CD99: variants seen among roughly 807,000 people sequenced by gnomAD.
CD99 encodes the protein CD99 antigen.
In CD99, 19 loss-of-function variants were observed where a neutral mutation model predicts 28.4. That is an observed-to-expected ratio of 0.67 (90% CI 0.47 to 0.98). CD99 has a LOEUF of 0.98. CD99 is among the 50% of genes least tolerant of loss of function. CD99 has a pLI of 0.00. For missense variants in CD99, 283 were observed against 248.8 expected, an observed-to-expected ratio of 1.14 and a Z score of -0.92; for synonymous variants, 103 against 92.1, an observed-to-expected ratio of 1.12 and a Z score of -0.67.
chrX:2,720,984 A>G (rs2048967971), intron 5 of CD99, among the ~76,000 whole-genome samples: 2 of 152,208 alleles, frequency 1.3e-5, no homozygotes, highest in Non-Finnish European at 2.9e-5. Flanking sequence ...AATTGCATAC[A>G]ATAATTTAAA....
chrX:2,712,137 C>T (rs1306741732), intron 1 of CD99, among the ~76,000 whole-genome samples: 4 of 152,032 alleles, frequency 2.6e-5, no homozygotes, highest in Non-Finnish European at 5.9e-5. Context: ...AGACAAATAC[C>T]GTCTGACCCA....
chrX:2,733,514 C>A, intron 8 of CD99: 1 of 856,982 alleles, frequency 1.2e-6, no homozygotes, highest in Non-Finnish European at 1.9e-6. Context: ...ATGGGATTCT[C>A]AATCACATGG....
At chrX:2,702,387 G>A (rs1165926119) in intron 1 of CD99, among the ~76,000 whole-genome samples, 2 of 151,560 alleles carry the variant, frequency 1.3e-5, no homozygotes, top group East Asian at 1.9e-4. Context: ...TTCACAAGAT[G>A]CTGCAGAGGG....
chrX:2,691,644 G>C (rs1485485523), intron 1 of CD99: 1 of 711,778 alleles, frequency 1.4e-6, no homozygotes, highest in Non-Finnish European at 2.5e-6. Flanking sequence ...AGAAAAGTCA[G>C]CGTTTGTTGT....
chrX:2,700,602 A>T (rs1420906637), intron 1 of CD99, among the ~76,000 whole-genome samples: 1 of 150,600 alleles, frequency 6.6e-6, no homozygotes, highest in Admixed American at 6.6e-5. Flanking sequence ...CCATTCCTTT[A>T]TCCATCCGTT....
intron 8 of CD99, chrX:2,733,311 A>G (rs1292483210): frequency 1.3e-6 from 2 of 1,551,122 alleles, no homozygotes; most frequent in Non-Finnish European, 8.7e-7. Context: ...GCACCAGTTT[A>G]CTTTTTGTAT....
At chrX:2,717,081 T>C (rs763447746) in intron 2 of CD99, among the ~76,000 whole-genome samples, 1 of 152,216 alleles carries the variant, frequency 6.6e-6, no homozygotes, top group East Asian at 1.9e-4. Flanking sequence ...GCACGGTGGC[T>C]CAAGCCTGTC....
chrX:2,703,640 G>A (rs2047983617), intron 1 of CD99, among the ~76,000 whole-genome samples: 1 of 149,800 alleles, frequency 6.7e-6, no homozygotes, highest in African/African-American at 2.5e-5. Context: ...GTGTGTGTGT[G>A]TGTGTGTGTG....
intron 1 of CD99, among the ~76,000 whole-genome samples, chrX:2,711,166 C>T (rs1382062388): frequency 1.3e-5 from 2 of 149,208 alleles, no homozygotes; most frequent in East Asian, 3.9e-4. Context: ...CCACCGCACC[C>T]GGCCCCAGAG....
chrX:2,692,389 C>G (rs1036092746), intron 1 of CD99: 1 of 170,722 alleles, frequency 5.9e-6, no homozygotes, highest in African/African-American at 2.4e-5. Context: ...CGCGGGAACG[C>G]CCGGCCCTGG....
At chrX:2,714,323 A>G in intron 1 of CD99, 99 bp from the exon 2 acceptor site, 1 of 1,000,110 alleles carries the variant, frequency 1.0e-6, no homozygotes, top group East Asian at 2.6e-5. Flanking sequence ...TGTTTTAAAT[A>G]TCACAAAAAG....
intron 8 of CD99, among the ~76,000 whole-genome samples, chrX:2,737,398 G>A (rs1371764570): frequency 9.4e-6 from 1 of 106,296 alleles, no homozygotes; most frequent in Non-Finnish European, 1.9e-5. Flanking sequence ...GGATGGGCTC[G>A]ATCTCTTGAC....
At chrX:2,729,706 A>G (rs1353380221) in intron 8 of CD99, among the ~76,000 whole-genome samples, 1 of 152,210 alleles carries the variant, frequency 6.6e-6, no homozygotes, top group African/African-American at 2.4e-5. Flanking sequence ...GGGAAAAGGA[A>G]AAACAACTTT....
At chrX:2,727,305 G>A (rs1348516721) in intron 8 of CD99, 1 of 779,294 alleles carries the variant, frequency 1.3e-6, no homozygotes, top group Admixed American at 1.7e-5. Flanking sequence ...CAGCTGGCAG[G>A]CTCTTTGGGA....
At chrX:2,718,889 CAGCTCATG>C (rs1244256259) in intron 3 of CD99, among the ~76,000 whole-genome samples, 18 of 152,166 alleles carry the variant, frequency 1.2e-4, no homozygotes, top group Non-Finnish European at 2.5e-4. Context: ...TCTAGAGTGT[CAGCTCATG>C]AGCAAAGGGA....
chrX:2,697,339 G>A (rs187305357), intron 1 of CD99, among the ~76,000 whole-genome samples: 1 of 152,098 alleles, frequency 6.6e-6, no homozygotes, highest in African/African-American at 2.4e-5. Context: ...GCATCTTTTC[G>A]GGGAGTAAAG....
At chrX:2,710,674 A>C (rs1221238297) in intron 1 of CD99, among the ~76,000 whole-genome samples, 2 of 151,770 alleles carry the variant, frequency 1.3e-5, no homozygotes, top group African/African-American at 4.8e-5. Flanking sequence ...GGGGGTGGGG[A>C]CTTGCCCTGA....
intron 3 of CD99, among the ~76,000 whole-genome samples, chrX:2,718,418 G>A (rs1381978163): frequency 6.6e-6 from 1 of 151,440 alleles, no homozygotes; most frequent in African/African-American, 2.4e-5. Context: ...GCCCAGGCTG[G>A]AGTGCAGTGG....
intron 1 of CD99, among the ~76,000 whole-genome samples, chrX:2,701,537 G>C (rs1207390560): frequency 1.3e-5 from 2 of 152,200 alleles, no homozygotes; most frequent in African/African-American, 4.8e-5. Flanking sequence ...CCTGGACACT[G>C]AGCTTCCAAG....
Sources: allele counts gnomAD v4.1 joint callset (sites outside exome capture counted in the v4.1 genomes callset), GRCh38; gene constraint gnomAD v4.1.1; transcripts MANE v1.5; gene names NCBI Gene and HGNC (gene_info 2026-07-23, HGNC 2026-07-21).